The following DLGAP2 variants were observed in gnomAD, a reference collection of about 807,000 sequenced individuals.
The protein encoded by DLGAP2 is disks large-associated protein 2.
Under a neutral mutation model 100.3 loss-of-function variants are expected in DLGAP2, and 26 were observed. The ratio of observed to expected loss-of-function variants is 0.26; its 90% confidence interval spans 0.19 to 0.36. The LOEUF is 0.36. Ranked by LOEUF, DLGAP2 falls within the 10% of genes least tolerant of loss-of-function variation. The pLI, the probability that DLGAP2 is intolerant of heterozygous loss-of-function variation, is 1.00. For synonymous variants in DLGAP2, 886 were observed against 630.1 expected (o/e 1.41, Z -6.08); for missense variants, 1,858 against 1,453.2 (o/e 1.28, Z -4.53).
chr8:812,625 A>G (rs1040152223), intron 1 of DLGAP2, among the ~76,000 whole-genome samples: 5 of 152,246 alleles, frequency 3.3e-5, no homozygotes, highest in African/African-American at 1.2e-4. Flanking sequence ...CTGTAATTAT[A>G]GAGTAATATA....
At position 1,267,702 on chromosome 8, in the gene DLGAP2, G is replaced by A. The variant is rs147898529; in HGVS notation, c.106+8819G>A. ...CCGTGATGAGACGCCCACGTCCTCC[G>A]TGTCGCTGGCCCCCTCCGTAGCAAC... On this transcript the variant is annotated intron_variant, in intron 3 of 14. Coordinates refer to ENST00000637795, the MANE Select transcript of DLGAP2 (RefSeq NM_001346810.2). Among the ~76,000 whole-genome samples the A allele has an allele frequency of 2.7e-4, 41 of 152,158 alleles. No individual in the cohort carries two copies. In the East Asian group the frequency reaches 6.6e-3, roughly 24 times the overall value.
At chr8:1,294,318 C>G (rs1388729670) in intron 3 of DLGAP2, among the ~76,000 whole-genome samples, 1 of 152,178 alleles carries the variant, frequency 6.6e-6, no homozygotes, top group African/African-American at 2.4e-5. Context: ...ATGCCATGTT[C>G]ACATTAGAAC....
intron 2 of DLGAP2, among the ~76,000 whole-genome samples, chr8:1,144,603 C>T (rs940424853): frequency 6.6e-6 from 1 of 152,226 alleles, no homozygotes; most frequent in Admixed American, 6.5e-5. Context: ...CCCTTTGCCA[C>T]CCACAAATAC....
chr8:1,078,977 C>T (rs889040233), intron 2 of DLGAP2, among the ~76,000 whole-genome samples: 10 of 152,208 alleles, frequency 6.6e-5, no homozygotes, highest in African/African-American at 2.2e-4. Flanking sequence ...AAGAAACTGC[C>T]AAATGGTTCT....
intron 3 of DLGAP2, among the ~76,000 whole-genome samples, chr8:1,337,608 T>A (rs1021777018): frequency 7.3e-5 from 5 of 68,516 alleles, no homozygotes; most frequent in African/African-American, 1.9e-4. Flanking sequence ...CCTCATTGAT[T>A]CATGCATTAA....
At chr8:1,689,063 T>C (rs1266939041) in intron 12 of DLGAP2, among the ~76,000 whole-genome samples, 2 of 152,198 alleles carry the variant, frequency 1.3e-5, no homozygotes, top group East Asian at 3.8e-4. Flanking sequence ...CACCAGTAAC[T>C]GTCTCTAGGA....
At chr8:1,379,535 A>G (rs1796042878) in intron 3 of DLGAP2, 1 of 152,186 alleles carries the variant, frequency 6.6e-6, no homozygotes. Flanking sequence ...TGCTGTGTAT[A>G]CTGAGGCGTC....
intron 1 of DLGAP2, among the ~76,000 whole-genome samples, chr8:827,773 C>G (rs576551610): frequency 6.6e-6 from 1 of 152,274 alleles, no homozygotes; most frequent in Non-Finnish European, 1.5e-5. Context: ...TGCTCAGAGA[C>G]AAAGACTATG....
intron 2 of DLGAP2, among the ~76,000 whole-genome samples, chr8:1,211,744 C>T (rs1047612199): frequency 6.6e-6 from 1 of 152,128 alleles, no homozygotes; most frequent in African/African-American, 2.4e-5. Flanking sequence ...GCGTGGTAGC[C>T]CATGCCTGTA....
At chr8:891,479 T>G (rs1301059850) in intron 1 of DLGAP2, 4 of 152,560 alleles carry the variant, frequency 2.6e-5, no homozygotes. Flanking sequence ...TGATGCCAGG[T>G]GGCACCTTCC....
At chr8:1,557,768 CTCTG>C (rs1006702064) in intron 5 of DLGAP2, among the ~76,000 whole-genome samples, 3 of 152,334 alleles carry the variant, frequency 2.0e-5, no homozygotes, top group Admixed American at 6.5e-5. Flanking sequence ...GTTGCCCCCT[CTCTG>C]TCTGTCTGTG....
At chr8:1,414,245 C>G (rs1220804491) in intron 3 of DLGAP2, among the ~76,000 whole-genome samples, 1 of 152,192 alleles carries the variant, frequency 6.6e-6, no homozygotes, top group African/African-American at 2.4e-5. Flanking sequence ...CAGGGGTGTT[C>G]TGTGGACTCT....
At chr8:1,352,751 C>G (rs1310027167) in intron 3 of DLGAP2, among the ~76,000 whole-genome samples, 1 of 152,136 alleles carries the variant, frequency 6.6e-6, no homozygotes, top group Non-Finnish European at 1.5e-5. Context: ...ATGCATTTCT[C>G]CTGCCTTTCT....
chr8:1,209,917 T>C (rs1798068733), intron 2 of DLGAP2, among the ~76,000 whole-genome samples: 1 of 152,166 alleles, frequency 6.6e-6, no homozygotes, highest in Admixed American at 6.5e-5. Flanking sequence ...AAACGGCGTG[T>C]CATCAGCGGT....
intron 1 of DLGAP2, among the ~76,000 whole-genome samples, chr8:795,791 G>GTGAGAGCAGGTGTCCA (rs1563034977): frequency 4.8e-5 from 2 of 41,306 alleles, no homozygotes; most frequent in African/African-American, 9.0e-5. Context: ...GCAGGCGTCC[G>GTGAGAGCAGGTGTCCA]GTGAGAACAG....
intron 2 of DLGAP2, among the ~76,000 whole-genome samples, chr8:1,200,978 G>A (rs1353344680): frequency 6.6e-6 from 1 of 152,210 alleles, no homozygotes; most frequent in East Asian, 1.9e-4. Context: ...CTCGGCCTTA[G>A]GGAAAGAAGG....
chr8:1,281,883 G>A (rs1034284754), intron 3 of DLGAP2, among the ~76,000 whole-genome samples: 2 of 152,218 alleles, frequency 1.3e-5, no homozygotes, highest in South Asian at 2.1e-4. Context: ...TGGAAGAGAC[G>A]TTCAAACCAC....
intron 2 of DLGAP2, among the ~76,000 whole-genome samples, chr8:1,182,838 C>T (rs757685642): frequency 1.6e-4 from 25 of 152,160 alleles, no homozygotes; most frequent in Non-Finnish European, 3.2e-4. Context: ...GCGTGGGGGA[C>T]GGACTCCGCA....
chr8:1,455,305 C>G (rs1265956250), intron 3 of DLGAP2, among the ~76,000 whole-genome samples: 1 of 152,242 alleles, frequency 6.6e-6, no homozygotes. Flanking sequence ...CAGGGCCCCT[C>G]TGGAGCTGCC....
Sources: allele counts gnomAD v4.1 joint callset (sites outside exome capture counted in the v4.1 genomes callset), GRCh38; gene constraint gnomAD v4.1.1; transcripts MANE v1.5; gene names NCBI Gene and HGNC (gene_info 2026-07-23, HGNC 2026-07-21).